Variants in HSDL2 observed in about 807,000 individuals in gnomAD.
HSDL2 encodes the protein hydroxysteroid dehydrogenase-like protein 2.
A neutral mutation model predicts 46.3 loss-of-function variants in HSDL2; 27 were observed. That is an observed-to-expected ratio of 0.58 (90% confidence interval 0.43 to 0.80). HSDL2 has a LOEUF of 0.80. Ranked by LOEUF, HSDL2 falls within the 30% of genes least tolerant of loss-of-function variation. HSDL2 has a pLI of 0.00. For synonymous variants in HSDL2, 153 were observed against 163.6 expected, an observed-to-expected ratio of 0.94 and a Z score of 0.50; for missense variants, 451 against 502.7, an observed-to-expected ratio of 0.90 and a Z score of 0.98.
intron 1 of HSDL2, among the ~76,000 whole-genome samples, chr9:112,398,403 A>G (rs888262745): frequency 6.6e-6 from 1 of 151,950 alleles, no homozygotes; most frequent in Non-Finnish European, 1.5e-5. Context: ...GTTAGTATAG[A>G]TATGGTCCTG....
chr9:112,442,917 A>T (rs1239595619), intron 8 of HSDL2, among the ~76,000 whole-genome samples: 2 of 152,122 alleles, frequency 1.3e-5, no homozygotes, highest in Non-Finnish European at 2.9e-5. Context: ...ATGGTAATTT[A>T]AAAAAATTAC....
rs182033943 is a variant in HSDL2, at chr9:112,453,521, T to C, written c.866-492T>C. 3.0e-3 allele frequency among the ~76,000 whole-genome samples: 457 copies of C among 152,216 alleles called. 4 individuals carry two copies. Among genetic ancestry groups the C allele is most frequent in the African/African-American group, 0.01 (435 of 41,530 alleles). On this transcript the variant is annotated intron_variant, in intron 8 of 10. Coordinates refer to ENST00000398805, the MANE Select transcript of HSDL2 (RefSeq NM_032303.5). Reference sequence around the variant, plus strand: ...GATCCTCTCACCTCAGCCTCCCAAGTAGCTGGGACTACAGGCACCAACCAC... The same window carrying C: ...GATCCTCTCACCTCAGCCTCCCAAGCAGCTGGGACTACAGGCACCAACCAC...
intron 1 of HSDL2, among the ~76,000 whole-genome samples, chr9:112,403,695 T>C (rs180932921): frequency 6.6e-6 from 1 of 152,140 alleles, no homozygotes; most frequent in East Asian, 1.9e-4. Context: ...AAAAAATGCA[T>C]GTTTATATAA....
rs144529569 is a variant in HSDL2, at chr9:112,413,859, G to A, written c.396-2982G>A. 1.8e-3 allele frequency: 283 copies of A among 154,132 alleles called. 3 individuals are homozygous for A. In the East Asian group the frequency reaches 0.019, roughly 11 times the overall value. The allele number at this position is 154,132 out of a possible 1,614,324, so 9.5% of individuals were successfully genotyped here. The stretch of plus-strand genomic sequence containing the variant: ...AGAGTACACCGATCAAAGCAGACAG[G>A]GTCATTTATAACCTGACGCGTCCAC... On this transcript the variant is annotated intron_variant, in intron 4 of 10. Transcript: ENST00000398805.
intron 6 of HSDL2, among the ~76,000 whole-genome samples, chr9:112,419,345 T>C (rs1201211686): frequency 6.6e-6 from 1 of 152,100 alleles, no homozygotes; most frequent in African/African-American, 2.4e-5. Context: ...TATGATAGGG[T>C]GAGAGTATGT....
chr9:112,419,052 A>T, intron 6 of HSDL2, 94 bp downstream of exon 6: 1 of 627,222 alleles, frequency 1.6e-6, no homozygotes, highest in South Asian at 1.6e-5. Flanking sequence ...CTTGTCATCC[A>T]GGCTGGAGTG....
At chr9:112,390,065 A>AAAATAAAT (rs55985147) in intron 1 of HSDL2, among the ~76,000 whole-genome samples, 11,074 of 143,104 alleles carry the variant, frequency 0.077, 661 homozygotes, top group African/African-American at 0.16. Context: ...ACTCTGTCTC[A>AAAATAAAT]AAATAAATAA....
chr9:112,432,574 C>G (rs1011050130), intron 6 of HSDL2, among the ~76,000 whole-genome samples: 1 of 152,164 alleles, frequency 6.6e-6, no homozygotes, highest in Non-Finnish European at 1.5e-5. Flanking sequence ...ATATAGAGGG[C>G]ATTATCTGGT....
In HSDL2 at chr9:112,438,588, A is replaced by T; in HGVS notation, c.756A>T (p.Glu252Asp). 2 of 1,604,668 alleles carry T rather than the reference A, an allele frequency of 1.2e-6. No individual in the cohort carries two copies. The highest frequency in any genetic ancestry group is 1.7e-6 in the Non-Finnish European group (2 of 1,176,032). The change falls in exon 7 of 11, where the codon GAA (glutamate) becomes GAT (aspartate). Residue 252 changes from glutamate (E) to aspartate (D), a missense_variant. Physicochemically the swap from Glu to Asp is conservative, Grantham distance 45. Coordinates refer to ENST00000398805, the MANE Select transcript of HSDL2 (RefSeq NM_032303.5). ...FVIDENILKE[E>D]GIENFDVYAI... ...TTGATGAAAATATCTTAAAAGAAGA[A>T]GGAATAGAAAATTTTGACGTTTATG...
intron 1 of HSDL2, among the ~76,000 whole-genome samples, chr9:112,390,885 A>C (rs542359819): frequency 6.6e-5 from 10 of 152,166 alleles, no homozygotes; most frequent in Non-Finnish European, 1.5e-4. Flanking sequence ...TTCTTTAACA[A>C]ATTTTCTAGG....
chr9:112,426,286 A>C (rs1832244558), intron 6 of HSDL2, among the ~76,000 whole-genome samples: 1 of 134,886 alleles, frequency 7.4e-6, no homozygotes, highest in Admixed American at 8.4e-5. Context: ...CCCAGGCTGG[A>C]GTGCAGTGGC....
At chr9:112,419,733 G>A (rs1034660636) in intron 6 of HSDL2, among the ~76,000 whole-genome samples, 2 of 152,066 alleles carry the variant, frequency 1.3e-5, no homozygotes, top group Non-Finnish European at 2.9e-5. Flanking sequence ...GAATTCTTCT[G>A]AATTCACAGA....
At chr9:112,417,417 C>T (rs1832017356) in intron 5 of HSDL2, among the ~76,000 whole-genome samples, 1 of 148,116 alleles carries the variant, frequency 6.8e-6, no homozygotes, top group African/African-American at 2.5e-5. Context: ...TTTGAGGCTG[C>T]AGTGAGCTAG....
chr9:112,385,553 G>C (rs1373922987), intron 1 of HSDL2, among the ~76,000 whole-genome samples: 1 of 147,010 alleles, frequency 6.8e-6, no homozygotes, highest in East Asian at 2.0e-4. Flanking sequence ...GCAGTGGCGC[G>C]ATCTCAGCTC....
At chr9:112,462,322 G>C (rs1833234339) in intron 10 of HSDL2, among the ~76,000 whole-genome samples, 1 of 152,064 alleles carries the variant, frequency 6.6e-6, no homozygotes, top group Non-Finnish European at 1.5e-5. Context: ...AAATTAGCCG[G>C]GTGTGGTGGC....
chr9:112,388,418 G>A (rs1235536837), intron 1 of HSDL2, among the ~76,000 whole-genome samples: 2 of 144,894 alleles, frequency 1.4e-5, no homozygotes, highest in East Asian at 2.0e-4. Context: ...CCGAGATCGC[G>A]CCACTGCACT....
chr9:112,397,668 C>T lies in HSDL2; in HGVS notation c.18-6327C>T, dbSNP rs149305939. Among the ~76,000 whole-genome samples the T allele has an allele frequency of 1.8e-3, 278 of 152,180 alleles. 3 individuals are homozygous for T. The highest frequency in any genetic ancestry group is 6.3e-3 in the African/African-American group (261 of 41,532). ...CTGAGTAATTGGAATGCCATCAGCC[C>T]AATTTAGCTGAGCCTGCAGACGGGC... On this transcript the variant is annotated intron_variant, in intron 1 of 10. Coordinates refer to ENST00000398805, the MANE Select transcript of HSDL2 (RefSeq NM_032303.5).
At chr9:112,441,589 C>G in intron 7 of HSDL2, 110 bp from the exon 8 acceptor site, 2 of 679,254 alleles carry the variant, frequency 2.9e-6, no homozygotes, top group South Asian at 4.5e-5. Context: ...GAGGCCTTTT[C>G]TTTTGCACCA....
chr9:112,450,037 T>C (rs1473327038), intron 8 of HSDL2, among the ~76,000 whole-genome samples: 1 of 152,230 alleles, frequency 6.6e-6, no homozygotes, highest in African/African-American at 2.4e-5. Context: ...AAATAAAGTT[T>C]GTGCATTTAT....
Sources: gnomAD v4.1 joint callset for allele counts (sites outside exome capture counted in the v4.1 genomes callset) on GRCh38, gnomAD v4.1.1 for gene constraint, MANE v1.5 for transcripts, NCBI Gene and HGNC (gene_info 2026-07-23, HGNC 2026-07-21) for gene names.